The following NELL2 variants were observed in gnomAD, a reference collection of about 807,000 sequenced individuals.
NELL2 encodes the protein neural EGFL like 2, also known as protein kinase C-binding protein NELL2.
In NELL2, 41 loss-of-function variants were observed where a neutral mutation model predicts 109.6. The ratio of observed to expected loss-of-function variants is 0.37; its 90% CI spans 0.29 to 0.49. The LOEUF (loss-of-function observed/expected upper bound fraction) is 0.49, where lower values mean the gene tolerates loss of function less well. Ranked by LOEUF, NELL2 falls within the 20% of genes least tolerant of loss-of-function variation. NELL2 has a pLI of 0.98. For missense variants in NELL2, 900 were observed against 1,008.3 expected (o/e 0.89, Z 1.45); for synonymous variants, 355 against 344.7 (o/e 1.03, Z -0.33).
At chr12:44,509,071 C>T (rs1592044276) in intron 19 of NELL2, 87 bp from the exon 20 acceptor site, 2 of 1,094,720 alleles carry the variant, frequency 1.8e-6, no homozygotes, top group East Asian at 2.4e-5. Context: ...TACTTACAAA[C>T]AAAACTGTAT....
chr12:44,682,972 T>G (rs957704167), intron 12 of NELL2, among the ~76,000 whole-genome samples: 1 of 152,216 alleles, frequency 6.6e-6, no homozygotes, highest in African/African-American at 2.4e-5. Flanking sequence ...ATAGGTAGTT[T>G]GATGGGGATG....
chr12:44,551,536 CT>C lies in NELL2; in HGVS notation c.1664-18816del, dbSNP rs551688897. 2.4e-3 allele frequency among the ~76,000 whole-genome samples: 368 copies of C among 152,214 alleles called. 1 individual carries two copies. Among genetic ancestry groups the C allele is most frequent in the Non-Finnish European group, 3.9e-3 (268 of 68,008 alleles). On this transcript the variant is annotated intron_variant, in intron 15 of 19. Transcript: ENST00000429094. ...TTAATATGTGTGCTTCCTTTTATTT[CT>C]CATTCTCTCTCCTCTCTCAATGGCC...
chr12:44,828,495 A>G (rs1056598941), intron 2 of NELL2, among the ~76,000 whole-genome samples: 4 of 152,244 alleles, frequency 2.6e-5, no homozygotes, highest in African/African-American at 9.6e-5. Flanking sequence ...TTCTTCATGT[A>G]TCATTAACAA....
intron 1 of NELL2, among the ~76,000 whole-genome samples, chr12:44,907,963 G>A (rs1001816418): frequency 6.6e-6 from 1 of 152,038 alleles, no homozygotes; most frequent in African/African-American, 2.4e-5. Context: ...GTCATTAAAT[G>A]TGGTAGTACA....
chr12:44,608,397 A>C (rs546609984), intron 14 of NELL2, among the ~76,000 whole-genome samples: 1 of 152,022 alleles, frequency 6.6e-6, no homozygotes, highest in East Asian at 1.9e-4. Flanking sequence ...GACCATGTAC[A>C]TATTTTCACT....
In NELL2 at chr12:44,830,200, C is replaced by A. The variant is rs73279124; in HGVS notation, c.185-14064G>T. The stretch of plus-strand genomic sequence containing the variant: ...TAAAATCTGAAAGTTATGAATAGTG[C>A]AACCTCAGACTCCACAAGCAGATTC... On this transcript the variant is annotated intron_variant, in intron 2 of 19. Transcript: ENST00000429094. Among the ~76,000 whole-genome samples, 687 of 152,156 alleles carry A rather than the reference C, an allele frequency of 4.5e-3. 4 individuals are homozygous for A. The highest frequency in any genetic ancestry group is 0.016 in the African/African-American group (651 of 41,520).
At chr12:44,684,105 T>C (rs1298410272) in intron 12 of NELL2, among the ~76,000 whole-genome samples, 3 of 152,244 alleles carry the variant, frequency 2.0e-5, no homozygotes, top group African/African-American at 2.4e-5. Flanking sequence ...AGCCTGTTAT[T>C]GGTCTATTCA....
At chr12:44,890,184 A>C (rs1945517875) in intron 1 of NELL2, among the ~76,000 whole-genome samples, 1 of 152,136 alleles carries the variant, frequency 6.6e-6, no homozygotes, top group Admixed American at 6.6e-5. Flanking sequence ...CAAAGGCTGG[A>C]GCTGAGAATG....
intron 9 of NELL2, among the ~76,000 whole-genome samples, chr12:44,742,159 C>A (rs192028334): frequency 6.6e-6 from 1 of 152,060 alleles, no homozygotes; most frequent in African/African-American, 2.4e-5. Flanking sequence ...CACCAATATC[C>A]GCTGTTCTGC....
chr12:44,666,689 T>C (rs918461616), intron 12 of NELL2, among the ~76,000 whole-genome samples: 4 of 152,200 alleles, frequency 2.6e-5, no homozygotes, highest in African/African-American at 7.2e-5. Context: ...ATTTATTTTA[T>C]AGAGGGACAA....
intron 5 of NELL2, among the ~76,000 whole-genome samples, chr12:44,779,013 G>C (rs1322510457): frequency 6.6e-6 from 1 of 152,164 alleles, no homozygotes; most frequent in Non-Finnish European, 1.5e-5. Flanking sequence ...TGTAGGGACT[G>C]TCATAGCCAC....
intron 13 of NELL2, among the ~76,000 whole-genome samples, chr12:44,636,009 A>G (rs575175962): frequency 4.4e-4 from 67 of 152,118 alleles, no homozygotes; most frequent in African/African-American, 1.6e-3. Flanking sequence ...TGTCCCTTGT[A>G]AGTTGTATTC....
Position 44,585,350 on chromosome 12 carries a change from C to T in NELL2, c.1663+21819G>A, listed in dbSNP as rs567688940. On this transcript the variant is annotated intron_variant, in intron 15 of 19. Coordinates refer to ENST00000429094, the MANE Select transcript of NELL2 (RefSeq NM_001145108.2). ...GGCGCAGTGGCTCACACCTGTAATC[C>T]CAGAACTTTGGGAGGCTGAGGGAGG... 1.1e-3 allele frequency among the ~76,000 whole-genome samples: 163 copies of T among 152,044 alleles called. 1 individual carries two copies. Among genetic ancestry groups the T allele is most frequent in the African/African-American group, 3.6e-3 (151 of 41,438 alleles).
intron 12 of NELL2, among the ~76,000 whole-genome samples, chr12:44,667,115 TTTA>T (rs1473168244): frequency 6.6e-6 from 1 of 152,240 alleles, no homozygotes; most frequent in African/African-American, 2.4e-5. Flanking sequence ...CAATTGTATT[TTTA>T]TTAATTTTTA....
intron 3 of NELL2, among the ~76,000 whole-genome samples, chr12:44,780,715 A>G (rs2136600825): frequency 6.6e-6 from 1 of 152,166 alleles, no homozygotes; most frequent in South Asian, 2.1e-4. Flanking sequence ...AGGAGTCAGG[A>G]GTTTTATAGT....
chr12:44,577,587 C>T (rs1178532734), intron 15 of NELL2, among the ~76,000 whole-genome samples: 1 of 149,362 alleles, frequency 6.7e-6, no homozygotes, highest in Non-Finnish European at 1.5e-5. Context: ...ACACCATTCT[C>T]CTGCCTCAGC....
At chr12:44,668,634 T>C (rs1948026044) in intron 12 of NELL2, among the ~76,000 whole-genome samples, 1 of 151,834 alleles carries the variant, frequency 6.6e-6, no homozygotes, top group Admixed American at 6.6e-5. Context: ...AGCCTGGGTA[T>C]AGGCCCGCCA....
intron 16 of NELL2, among the ~76,000 whole-genome samples, chr12:44,527,938 C>CA (rs1336161553): frequency 9.3e-5 from 14 of 151,108 alleles, no homozygotes; most frequent in Non-Finnish European, 1.0e-4. Context: ...ACTAAAAATA[C>CA]AAAAAATTAG....
At chr12:44,848,184 G>T (rs1944430422) in intron 2 of NELL2, among the ~76,000 whole-genome samples, 2 of 152,114 alleles carry the variant, frequency 1.3e-5, no homozygotes, top group African/African-American at 4.8e-5. Context: ...AAGGAGAGGG[G>T]ATGTCCTGAA....
Sources: gnomAD v4.1 joint callset for allele counts (sites outside exome capture counted in the v4.1 genomes callset) on GRCh38, gnomAD v4.1.1 for gene constraint, MANE v1.5 for transcripts, NCBI Gene and HGNC (gene_info 2026-07-23, HGNC 2026-07-21) for gene names.